The following CABP1 variants were observed in gnomAD, a reference collection of about 807,000 sequenced individuals.
The protein encoded by CABP1 is calcium-binding protein 1.
Under a neutral mutation model 34.3 loss-of-function variants are expected in CABP1, and 17 were observed. The ratio of observed to expected loss-of-function variants is 0.50; its 90% CI spans 0.34 to 0.74. The LOEUF (loss-of-function observed/expected upper bound fraction) is 0.74. Among genes scored for constraint, CABP1 ranks in the 30% least tolerant of loss-of-function variants. The pLI, the probability that CABP1 is intolerant of heterozygous loss-of-function variation, is 0.01. For synonymous variants in CABP1, 198 were observed against 229.2 expected, an observed-to-expected ratio of 0.86 and a Z score of 1.23; for missense variants, 373 against 511.1, an observed-to-expected ratio of 0.73 and a Z score of 2.61.
intron 1 of CABP1, chr12:120,656,243 C>T (rs755254500): frequency 6.3e-6 from 10 of 1,576,614 alleles, no homozygotes; most frequent in Admixed American, 5.3e-5. Flanking sequence ...CATTTTCCTG[C>T]GCAAGGGCTT....
chr12:120,666,918 C>T lies in CABP1; in HGVS notation c.*18C>T. The T allele has an allele frequency of 1.9e-6, 3 of 1,600,640 alleles. No individual in the cohort carries two copies. Among genetic ancestry groups the T allele is most frequent in the Non-Finnish European group, 2.5e-6 (3 of 1,177,638 alleles). ...CCCGCTGAGGCCGCGAGGGCCCCTC[C>T]AGGACTGCCAAGCTCCCAAAGGCGG... On this transcript the variant is annotated 3_prime_UTR_variant, in exon 6 of 6. Coordinates refer to ENST00000316803, the MANE Select transcript of CABP1 (RefSeq NM_001033677.2).
At chr12:120,651,898 C>A (rs992322228) in intron 1 of CABP1, among the ~76,000 whole-genome samples, 5 of 152,200 alleles carry the variant, frequency 3.3e-5, no homozygotes, top group Non-Finnish European at 7.3e-5. Flanking sequence ...CCCAGAGAAG[C>A]AGAAAGTGAT....
chr12:120,665,853 C>G lies in CABP1; in HGVS notation c.1088-1022C>G, dbSNP rs568715518. Among the ~76,000 whole-genome samples the G allele has an allele frequency of 7.9e-5, 12 of 151,738 alleles. No individual in the cohort carries two copies. The South Asian group carries it at 1.5e-3, about 18-fold the overall frequency. The stretch of plus-strand genomic sequence containing the variant: ...TGGCTAACATGGTGAAACCCCATCT[C>G]TATAAAAATACAAAAAATTAGCTGG... On this transcript the variant is annotated intron_variant, in intron 5 of 5. Coordinates refer to ENST00000316803, the MANE Select transcript of CABP1 (RefSeq NM_001033677.2).
chr12:120,660,331 A>G lies in CABP1; in HGVS notation c.821A>G (p.Asn274Ser), dbSNP rs1446976212. 2 of 1,613,022 alleles carry G rather than the reference A, an allele frequency of 1.2e-6. No homozygotes were observed. The highest frequency in any genetic ancestry group is 1.1e-5 in the South Asian group (1 of 91,070). ...CTCATCGAACTGTCCCAGCAGATCA[A>G]CATGAACCGTGAGTCCCTCTACCAG... ...MELIELSQQI[N>S]MNLGGHVDFD... Residue 274 changes from asparagine (N) to serine (S), a missense_variant, in exon 3 of 6, where the codon AAC becomes AGC. Asn to Ser is a conservative substitution (Grantham distance 46). Around this residue, in one of 4 missense-constraint regions of CABP1, gnomAD observed 109 missense variants for 204.8 expected, o/e 0.53. Coordinates refer to ENST00000316803, the MANE Select transcript of CABP1 (RefSeq NM_001033677.2). The surrounding 1 kb of genome is among the most constrained non-coding windows in gnomAD (Gnocchi z 5.0).
downstream of CABP1, among the ~76,000 whole-genome samples, chr12:120,671,375 G>A (rs1881247296): frequency 6.6e-6 from 1 of 152,200 alleles, no homozygotes; most frequent in South Asian, 2.1e-4. Context: ...TCCAGCCTGG[G>A]CAACAGAGCA....
intron 1 of CABP1, among the ~76,000 whole-genome samples, chr12:120,644,296 A>G (rs1470567635): frequency 6.6e-6 from 1 of 152,246 alleles, no homozygotes; most frequent in Non-Finnish European, 1.5e-5. Context: ...GGCAGCCTTC[A>G]TTAATGTTAT....
intron 1 of CABP1, chr12:120,656,392 A>C: frequency 5.2e-6 from 5 of 965,806 alleles, no homozygotes; most frequent in Non-Finnish European, 7.3e-6. Context: ...CTGATCCCCA[A>C]AGTTTTCCAC....
At chr12:120,655,007 T>C (rs947020205) in intron 1 of CABP1, among the ~76,000 whole-genome samples, 7 of 152,186 alleles carry the variant, frequency 4.6e-5, no homozygotes, top group African/African-American at 1.4e-4. Flanking sequence ...GCAGAGAGTG[T>C]CTAGTCTTGA....
Position 120,641,482 on chromosome 12 carries a change from C to CAAGGGCGCCG in CABP1, c.654+143_654+144insAAGGGCGCCG. ...GCTCACCTCGTCCTCCCCGGGCCGGCGCCCTTGCCGGCACTCCTCCTCCCC... is the reference window on the plus strand; with the variant it reads ...GCTCACCTCGTCCTCCCCGGGCCGGCAAGGGCGCCGGCCCTTGCCGGCACTCCTCCTCCCC... On this transcript the variant is annotated intron_variant, in intron 1 of 5. Transcript: ENST00000316803. This position sits in a 1 kb window ranked among gnomAD's most constrained non-coding sequence, Gnocchi z 6.7. 2.1e-6 allele frequency: 2 copies of CAAGGGCGCCG among 932,802 alleles called. No individual in the cohort carries two copies. Among genetic ancestry groups the CAAGGGCGCCG allele is most frequent in the Non-Finnish European group, 2.8e-6 (2 of 715,886 alleles). 57.8% of individuals were successfully genotyped at this position (932,802 alleles called of 1,614,324 possible).
In CABP1 at chr12:120,660,975, G is replaced by T. The variant is rs961674853; in HGVS notation, c.940-96G>T. 2.7e-6 allele frequency: 4 copies of T among 1,462,048 alleles called. No homozygotes were observed. The highest frequency in any genetic ancestry group is 3.8e-6 in the Non-Finnish European group (4 of 1,061,044). The allele number at this position is 1,462,048 out of a possible 1,614,324, so 90.6% of individuals were successfully genotyped here. The stretch of plus-strand genomic sequence containing the variant: ...GGACAGAGAAAGGTCTCTGGTAAAG[G>T]GGGGCAATGACACTGGAGAAGGAGC... On this transcript the variant is annotated intron_variant, in intron 4 of 5. Transcript: ENST00000316803. This position sits in a 1 kb window ranked among gnomAD's most constrained non-coding sequence, Gnocchi z 5.0.
At chr12:120,678,391 G>T in the CABP1 span, among the ~76,000 whole-genome samples, 3 of 152,202 alleles carry the variant, frequency 2.0e-5, no homozygotes, top group East Asian at 5.8e-4. Context: ...GTTCCCTTTG[G>T]TTTTTTCTCC....
intron 1 of CABP1, among the ~76,000 whole-genome samples, chr12:120,649,301 C>G (rs7309493): frequency 0.028 from 4,235 of 152,242 alleles, 196 homozygotes; most frequent in African/African-American, 0.096. Context: ...GGAGGCTCTC[C>G]GGGCTGAAAA....
the CABP1 span, among the ~76,000 whole-genome samples, chr12:120,673,509 G>A: frequency 4.0e-5 from 6 of 151,824 alleles, no homozygotes; most frequent in Non-Finnish European, 5.9e-5. Context: ...GCTTGAACCC[G>A]GGAGGCGGAG....
chr12:120,668,088 T>C (rs1881108348), downstream of CABP1, among the ~76,000 whole-genome samples: 1 of 152,204 alleles, frequency 6.6e-6, no homozygotes, highest in Non-Finnish European at 1.5e-5. Flanking sequence ...CGGCAGGATA[T>C]ACTAAGGAGG....
intron 1 of CABP1, among the ~76,000 whole-genome samples, chr12:120,643,205 A>T (rs1232493467): frequency 7.5e-6 from 1 of 133,446 alleles, no homozygotes; most frequent in African/African-American, 3.0e-5. Context: ...AATATTTACT[A>T]CCTCCCTGTG....
chr12:120,660,273 C>A lies in CABP1; in HGVS notation c.763C>A (p.Arg255Ser). ...CTGCCGGGATCTGGGCAACTGCATG[C>A]GCACCATGGGCTACATGCCCACCGA... ...INCRDLGNCM[R>S]TMGYMPTEME... The change falls in exon 3 of 6, where the codon CGC becomes AGC. Residue 255 changes from arginine (R) to serine (S), a missense_variant. Arg to Ser is a moderately radical substitution (Grantham distance 110). This residue lies in a region of CABP1 where 109 missense variants were observed against 204.8 expected (regional missense o/e 0.53). Transcript: ENST00000316803. This position sits in a 1 kb window ranked among gnomAD's most constrained non-coding sequence, Gnocchi z 5.0. 6.2e-7 allele frequency: 1 copy of A among 1,610,574 alleles called. No homozygotes were observed. Among genetic ancestry groups the A allele is most frequent in the Non-Finnish European group, 8.5e-7 (1 of 1,178,550 alleles).
chr12:120,675,502 A>T, the CABP1 span, among the ~76,000 whole-genome samples: 1 of 152,186 alleles, frequency 6.6e-6, no homozygotes, highest in African/African-American at 2.4e-5. Flanking sequence ...GTACTCTTTG[A>T]ATAGCTAGAT....
In CABP1 at chr12:120,667,246, T is replaced by G. The variant is rs1881067566; in HGVS notation, c.*346T>G. 6.8e-6 allele frequency: 3 copies of G among 444,146 alleles called. No homozygotes were observed. The highest frequency in any genetic ancestry group is 1.2e-5 in the Non-Finnish European group (3 of 243,044). 27.5% of individuals were successfully genotyped at this position (444,146 alleles called of 1,614,324 possible). On this transcript the variant is annotated 3_prime_UTR_variant, in exon 6 of 6. Coordinates refer to ENST00000316803, the MANE Select transcript of CABP1 (RefSeq NM_001033677.2). ...AGCATGTCCGCCCCAGGGCAAAGCC[T>G]CCCACCTTCGCTCTGCGCCCGTCCC...
At position 120,661,422 on chromosome 12, in the gene CABP1, CATCT is replaced by C. The variant is rs963373610; in HGVS notation, c.1087+208_1087+211del. 3.4e-5 allele frequency: 19 copies of C among 566,558 alleles called. No homozygotes were observed. The highest frequency in any genetic ancestry group is 7.5e-5 in the African/African-American group (4 of 53,168). The allele number at this position is 566,558 out of a possible 1,614,324, so 35.1% of individuals were successfully genotyped here. On this transcript the variant is annotated intron_variant, in intron 5 of 5. Transcript: ENST00000316803. This position sits in a 1 kb window ranked among gnomAD's most constrained non-coding sequence, Gnocchi z 5.1. ...GCATCTATTCATGCATCTGTCCATC[CATCT>C]ATCCATCCTCTACCTTTCCATTCAT...
Sources: allele counts gnomAD v4.1 joint callset (sites outside exome capture counted in the v4.1 genomes callset), GRCh38; gene constraint gnomAD v4.1.1; regional missense constraint gnomAD v4.1.1; non-coding constraint Gnocchi (gnomAD v3.1); transcripts MANE v1.5; gene names NCBI Gene and HGNC (gene_info 2026-07-23, HGNC 2026-07-21).